Variants in PCDHGA3 observed in about 807,000 individuals in gnomAD.
The protein encoded by PCDHGA3 is protocadherin gamma subfamily A, 3.
A neutral mutation model predicts 58.5 loss-of-function variants in PCDHGA3; 40 were observed. That is an observed-to-expected ratio of 0.68 (90% CI 0.53 to 0.89). PCDHGA3 has a LOEUF of 0.89. PCDHGA3 is among the 40% of genes least tolerant of loss of function. The pLI, the probability that PCDHGA3 is intolerant of heterozygous loss-of-function variation, is 0.00. For synonymous variants in PCDHGA3, 530 were observed against 525.7 expected (o/e 1.01, Z -0.11); for missense variants, 1,223 against 1,195.9 (o/e 1.02, Z -0.33).
At chr5:141,410,675 T>A in intron 1 of PCDHGA3, 1 of 1,551,642 alleles carries the variant, frequency 6.4e-7, no homozygotes, top group Non-Finnish European at 8.6e-7. Context: ...GTTTCTCATA[T>A]TTTAGGCATA....
chr5:141,418,157 A>G, intron 1 of PCDHGA3: 1 of 1,614,074 alleles, frequency 6.2e-7, no homozygotes, highest in Non-Finnish European at 8.5e-7. Context: ...CAAAGAGAGA[A>G]GAAGATGTGA....
At chr5:141,438,400 T>C (rs2154557880) in intron 1 of PCDHGA3, among the ~76,000 whole-genome samples, 1 of 151,918 alleles carries the variant, frequency 6.6e-6, no homozygotes, top group Non-Finnish European at 1.5e-5. Context: ...TCATTAACTC[T>C]CTGAAGTATT....
intron 1 of PCDHGA3, chr5:141,418,005 A>G: frequency 6.2e-7 from 1 of 1,613,764 alleles, no homozygotes. Flanking sequence ...GTGGTGGGGA[A>G]CCTCGCTAAG....
In PCDHGA3 at chr5:141,477,377, C is replaced by A. The variant is rs1456451105; in HGVS notation, c.2425-17430C>A. On this transcript the variant is annotated intron_variant, in intron 1 of 3. Coordinates refer to ENST00000253812, the MANE Select transcript of PCDHGA3 (RefSeq NM_018916.4). This position sits in a 1 kb window ranked among gnomAD's most constrained non-coding sequence, Gnocchi z 4.9. ...TGCAGACCTGGATCGGGAGACTGTG[C>A]CAGAATACAACCTCAGCATCACCGC... 1.2e-6 allele frequency: 2 copies of A among 1,614,026 alleles called. No homozygotes were observed. The highest frequency in any genetic ancestry group is 1.7e-6 in the Non-Finnish European group (2 of 1,180,032).
rs752316565 is a variant in PCDHGA3 at position 141,487,235 on chromosome 5, C to T, written c.2425-7572C>T. On this transcript the variant is annotated intron_variant, in intron 1 of 3. Coordinates refer to ENST00000253812, the MANE Select transcript of PCDHGA3 (RefSeq NM_018916.4). This position sits in a 1 kb window ranked among gnomAD's most constrained non-coding sequence, Gnocchi z 5.0. The stretch of plus-strand genomic sequence containing the variant: ...TTCAGCTCCAAGGGAAGGAGAATCT[C>T]GTCTAACCCTCTACTTGGCTGTGTC... The T allele has an allele frequency of 2.5e-6, 4 of 1,614,126 alleles. No individual in the cohort carries two copies. Among genetic ancestry groups the T allele is most frequent in the Non-Finnish European group, 3.4e-6 (4 of 1,179,994 alleles).
intron 1 of PCDHGA3, chr5:141,364,253 T>C (rs1355902961): frequency 1.2e-5 from 18 of 1,490,992 alleles, no homozygotes; most frequent in Non-Finnish European, 1.6e-5. Context: ...TCAGGGAATA[T>C]GTACCCATCG....
chr5:141,414,791 G>A (rs375736950), intron 1 of PCDHGA3: 43 of 1,614,120 alleles, frequency 2.7e-5, no homozygotes, highest in Non-Finnish European at 3.3e-5. Context: ...GTGACAGCCA[G>A]CGACAGCGGG....
chr5:141,478,799 CTT>C, intron 1 of PCDHGA3: 1 of 1,463,738 alleles, frequency 6.8e-7, no homozygotes, highest in Non-Finnish European at 9.0e-7. Flanking sequence ...CCTCAGCACT[CTT>C]TTGCTATCAC....
intron 1 of PCDHGA3, among the ~76,000 whole-genome samples, chr5:141,443,082 C>A (rs958408385): frequency 6.6e-6 from 1 of 151,624 alleles, no homozygotes; most frequent in African/African-American, 2.4e-5. Flanking sequence ...ACTGAGTGTT[C>A]CAGTCTCCTT....
intron 1 of PCDHGA3, among the ~76,000 whole-genome samples, chr5:141,447,725 C>T (rs1009407606): frequency 1.3e-5 from 2 of 152,174 alleles, no homozygotes; most frequent in African/African-American, 4.8e-5. Context: ...TTTTCCAAAA[C>T]TCATTGAACT....
At chr5:141,409,437 G>A in intron 1 of PCDHGA3, 1 of 1,613,968 alleles carries the variant, frequency 6.2e-7, no homozygotes, top group Non-Finnish European at 8.5e-7. Context: ...GCCCTGGACC[G>A]AGAGCAGACA....
chr5:141,400,027 GC>G (rs746080003), intron 1 of PCDHGA3: 8 of 1,612,664 alleles, frequency 5.0e-6, no homozygotes, highest in Admixed American at 1.7e-5. Flanking sequence ...CAGGGACGCG[GC>G]CCGCCAGCGC....
chr5:141,394,818 C>T lies in PCDHGA3; in HGVS notation c.2424+48361C>T, dbSNP rs2093105005. On this transcript the variant is annotated intron_variant, in intron 1 of 3. Coordinates refer to ENST00000253812, the MANE Select transcript of PCDHGA3 (RefSeq NM_018916.4). Reference sequence around the variant, plus strand: ...CACCGTAGCCGTGGCTGACAGCATCCCCGAAGTCCTGACCGAGTTGGGCAG... The same window carrying T: ...CACCGTAGCCGTGGCTGACAGCATCTCCGAAGTCCTGACCGAGTTGGGCAG... The T allele has an allele frequency of 5.6e-6, 9 of 1,613,904 alleles. No individual in the cohort carries two copies. Among genetic ancestry groups the T allele is most frequent in the Non-Finnish European group, 7.6e-6 (9 of 1,180,012 alleles).
intron 1 of PCDHGA3, chr5:141,478,485 G>C (rs2099459345): frequency 1.2e-6 from 2 of 1,613,204 alleles, no homozygotes; most frequent in East Asian, 4.5e-5. Flanking sequence ...AACACGCTGC[G>C]GAGCTGTGAT....
chr5:141,418,677 T>A (rs1717013168), intron 1 of PCDHGA3: 1 of 1,613,930 alleles, frequency 6.2e-7, no homozygotes, highest in African/African-American at 1.3e-5. Flanking sequence ...GACGAGGGCA[T>A]CAACTCAGAG....
At chr5:141,374,935 T>C in intron 1 of PCDHGA3, 1 of 1,614,020 alleles carries the variant, frequency 6.2e-7, no homozygotes, top group East Asian at 2.2e-5. Context: ...TTGTGAAGAT[T>C]ACAGAAAAGA....
chr5:141,346,668 T>A (rs2149741618), intron 1 of PCDHGA3: 12 of 708,510 alleles, frequency 1.7e-5, no homozygotes, highest in Middle Eastern at 4.0e-4. Context: ...AAATAATACA[T>A]CGTGAGTGAA....
chr5:141,399,958 G>A (rs2093927763), intron 1 of PCDHGA3: 5 of 1,612,004 alleles, frequency 3.1e-6, no homozygotes, highest in Non-Finnish European at 4.2e-6. Context: ...TAGCGAGCCC[G>A]GGCTCTTCAG....
At chr5:141,370,760 G>C (rs773157241) in intron 1 of PCDHGA3, 3 of 1,613,980 alleles carry the variant, frequency 1.9e-6, no homozygotes, top group Non-Finnish European at 8.5e-7. Context: ...TAACTGTGCT[G>C]ATCCAGGATA....
Sources: gnomAD v4.1 joint callset for allele counts (sites outside exome capture counted in the v4.1 genomes callset) on GRCh38, gnomAD v4.1.1 for gene constraint, Gnocchi (gnomAD v3.1) non-coding constraint, MANE v1.5 for transcripts, NCBI Gene and HGNC (gene_info 2026-07-23, HGNC 2026-07-21) for gene names.